Variants in PWWP2B observed in about 807,000 individuals in gnomAD.
The protein encoded by PWWP2B is PWWP domain containing 2B, also known as PWWP domain-containing protein 2B.
A neutral mutation model predicts 15.5 loss-of-function variants in PWWP2B; 9 were observed. That is an observed-to-expected ratio of 0.58 (90% CI 0.35 to 1.02). PWWP2B has a LOEUF of 1.02. Among genes scored for constraint, PWWP2B ranks in the 50% least tolerant of loss-of-function variants. The probability of loss-of-function intolerance (pLI) is 0.02; values close to 1 mark genes in which losing one functional copy is unlikely to be tolerated. For synonymous variants in PWWP2B, 474 were observed against 403.6 expected (o/e 1.17, Z -2.09); for missense variants, 864 against 865.3 (o/e 1.00, Z 0.02).
Position 132,417,091 on chromosome 10 carries a change from C to G in PWWP2B, c.*47C>G. 6.2e-7 allele frequency: 1 copy of G among 1,613,692 alleles called. No homozygotes were observed. The highest frequency in any genetic ancestry group is 1.1e-5 in the South Asian group (1 of 91,076). Reference sequence around the variant, plus strand: ...CGACGATGAGGGCGCACCTGCTGTCCTGGAGCTTCCGATCTCTGTTCGGGG... The same window carrying G: ...CGACGATGAGGGCGCACCTGCTGTCGTGGAGCTTCCGATCTCTGTTCGGGG... On this transcript the variant is annotated 3_prime_UTR_variant, in exon 3 of 3. Coordinates refer to ENST00000305233, the MANE Select transcript of PWWP2B (RefSeq NM_138499.4).
chr10:132,400,783 T>G (rs539174248), intron 1 of PWWP2B, among the ~76,000 whole-genome samples: 14 of 152,376 alleles, frequency 9.2e-5, no homozygotes, highest in African/African-American at 3.4e-4. Context: ...TGCCTGTTCC[T>G]GTTCCAGGAG....
chr10:132,409,633 C>G, intron 2 of PWWP2B, among the ~76,000 whole-genome samples: 1 of 42,344 alleles, frequency 2.4e-5, no homozygotes, highest in East Asian at 3.9e-4. Flanking sequence ...CCCTCACCAC[C>G]CACCCACCCA....
At chr10:132,412,665 C>T (rs1348561007) in intron 2 of PWWP2B, among the ~76,000 whole-genome samples, 2 of 152,228 alleles carry the variant, frequency 1.3e-5, no homozygotes, top group Non-Finnish European at 2.9e-5. Flanking sequence ...GGTGCTGGCC[C>T]TGGTCTTCAT....
chr10:132,412,723 C>T (rs1342967684), intron 2 of PWWP2B, among the ~76,000 whole-genome samples: 1 of 152,258 alleles, frequency 6.6e-6, no homozygotes, highest in Non-Finnish European at 1.5e-5. Context: ...TACCAGCTTT[C>T]AGTGGCACTG....
At position 132,406,287 on chromosome 10, in the gene PWWP2B, C is replaced by A; in HGVS notation, c.*14C>A. 6.3e-7 allele frequency: 1 copy of A among 1,598,614 alleles called. No homozygotes were observed. Among genetic ancestry groups the A allele is most frequent in the South Asian group, 1.1e-5 (1 of 89,888 alleles). ...TTTGAAACGTAACTGGTTCCCTGAC[C>A]AGGTGAGTGTGCCAGCGGCAGCCTC... On this transcript the variant is annotated splice_region_variant and 3_prime_UTR_variant, in exon 2 of 3. Transcript: ENST00000305233.
chr10:132,414,009 AAC>A (rs1204997452), intron 2 of PWWP2B, among the ~76,000 whole-genome samples: 1 of 152,196 alleles, frequency 6.6e-6, no homozygotes, highest in Admixed American at 6.5e-5. Context: ...GGTTCCTGAG[AAC>A]ACCTCATGTC....
intron 1 of PWWP2B, 60 bp downstream of exon 1, chr10:132,397,411 G>T: frequency 8.6e-7 from 1 of 1,160,348 alleles, no homozygotes; most frequent in East Asian, 3.8e-5. Context: ...CGCCTCCGCC[G>T]CCCGGAGACC....
Position 132,404,697 on chromosome 10 carries a change from A to G in PWWP2B, c.197A>G (p.His66Arg). ...QVDESPVNDSHGRAPEEGDAE... is the reference protein window; with the variant it reads ...QVDESPVNDSRGRAPEEGDAE... ...GATGAGTCCCCTGTCAACGACAGCCATGGCCGGGCTCCCGAGGAGGGGGAT... is the reference window on the plus strand; with the variant it reads ...GATGAGTCCCCTGTCAACGACAGCCGTGGCCGGGCTCCCGAGGAGGGGGAT... Residue 66 changes from histidine (H) to arginine (R), a missense_variant, in exon 2 of 3, where the codon CAT becomes CGT. Around this residue, in one of 2 missense-constraint regions of PWWP2B, gnomAD observed 736 missense variants for 687.7 expected, o/e 1.07. Coordinates refer to ENST00000305233, the MANE Select transcript of PWWP2B (RefSeq NM_138499.4). 6.2e-7 allele frequency: 1 copy of G among 1,612,120 alleles called. No individual in the cohort carries two copies. Among genetic ancestry groups the G allele is most frequent in the Non-Finnish European group, 8.5e-7 (1 of 1,179,722 alleles).
At position 132,407,574 on chromosome 10, in the gene PWWP2B, G is replaced by T. The variant is rs187384288; in HGVS notation, c.*16+1285G>T. ...GCAGTGATGAGAGACCACTGTGGTT[G>T]AGCCAGGGTCCCCAGGGTCCCCAGG... On this transcript the variant is annotated intron_variant, in intron 2 of 2. Coordinates refer to ENST00000305233, the MANE Select transcript of PWWP2B (RefSeq NM_138499.4). 3.3e-4 allele frequency among the ~76,000 whole-genome samples: 50 copies of T among 152,324 alleles called. No homozygotes were observed. The East Asian group carries it at 8.5e-3, about 26-fold the overall frequency.
At chr10:132,403,242 G>A (rs1312190814) in intron 1 of PWWP2B, among the ~76,000 whole-genome samples, 4 of 151,906 alleles carry the variant, frequency 2.6e-5, no homozygotes, top group African/African-American at 4.8e-5. Flanking sequence ...CCCGCCCCGT[G>A]TTCATCCCCT....
In PWWP2B at chr10:132,404,546, G is replaced by A. The variant is rs923975215; in HGVS notation, c.126-80G>A. 41 of 1,244,890 alleles carry A rather than the reference G, an allele frequency of 3.3e-5. 1 individual carries two copies. The African/African-American group carries it at 4.3e-4, about 13-fold the overall frequency. The allele number at this position is 1,244,890 out of a possible 1,614,324, so 77.1% of individuals were successfully genotyped here. A position where few individuals can be genotyped will look rare whatever the true frequency, so the allele number is the denominator to read the frequency against. ...AGACCTGCCGGAGCATGGGTCGGGG[G>A]CCTTGGCTCTGGGGGCTGGTGCGGG... is the stretch of plus-strand genomic sequence containing the variant. On this transcript the variant is annotated intron_variant, in intron 1 of 2. Transcript: ENST00000305233.
intron 1 of PWWP2B, among the ~76,000 whole-genome samples, chr10:132,401,562 T>TG (rs1419702465): frequency 6.6e-6 from 1 of 152,198 alleles, no homozygotes; most frequent in Non-Finnish European, 1.5e-5. Flanking sequence ...GCCAGGCCAG[T>TG]GGGGCCCCTG....
chr10:132,414,866 ACT>A (rs2069822746), intron 2 of PWWP2B, among the ~76,000 whole-genome samples: 2 of 152,140 alleles, frequency 1.3e-5, no homozygotes, highest in Admixed American at 6.5e-5. Flanking sequence ...TCTAGGAGTC[ACT>A]GTTGGTACCC....
At chr10:132,416,016 G>GT (rs2069849941) in intron 2 of PWWP2B, among the ~76,000 whole-genome samples, 1 of 152,200 alleles carries the variant, frequency 6.6e-6, no homozygotes, top group African/African-American at 2.4e-5. Flanking sequence ...GCCTCCCCGC[G>GT]TGCCGCTGGG....
At chr10:132,409,558 G>A (rs534219859) in intron 2 of PWWP2B, among the ~76,000 whole-genome samples, 1 of 152,274 alleles carries the variant, frequency 6.6e-6, no homozygotes, top group South Asian at 2.1e-4. Context: ...GTGAGCCCCA[G>A]GGCCTCGGGC....
chr10:132,400,808 C>A lies in PWWP2B; in HGVS notation c.125+3457C>A, dbSNP rs558763905. Among the ~76,000 whole-genome samples the A allele has an allele frequency of 7.9e-5, 12 of 152,364 alleles. 1 individual carries two copies. The highest frequency in any genetic ancestry group is 7.8e-4 in the Admixed American group (12 of 15,310). On this transcript the variant is annotated intron_variant, in intron 1 of 2. Coordinates refer to ENST00000305233, the MANE Select transcript of PWWP2B (RefSeq NM_138499.4). ...TGTTCCAGGAGCCGCATTTTCTTTA[C>A]CTCTTTAGGCCACAACAGGGTGTCC...
chr10:132,398,196 G>A (rs2069563764), intron 1 of PWWP2B, among the ~76,000 whole-genome samples: 1 of 152,262 alleles, frequency 6.6e-6, no homozygotes, highest in Non-Finnish European at 1.5e-5. Flanking sequence ...TTTTCCATCC[G>A]TGGAGCCCAG....
At chr10:132,404,573 G>A in intron 1 of PWWP2B, 53 bp from the exon 2 acceptor site, 1 of 1,495,688 alleles carries the variant, frequency 6.7e-7, no homozygotes, top group Non-Finnish European at 9.3e-7. Context: ...TGGTGCGGGT[G>A]GCAGATGTGC....
At chr10:132,415,908 G>A (rs1453063945) in intron 2 of PWWP2B, among the ~76,000 whole-genome samples, 1 of 152,000 alleles carries the variant, frequency 6.6e-6, no homozygotes, top group African/African-American at 2.4e-5. Flanking sequence ...ACTCAGGAAT[G>A]CCCAGCGTGA....
Sources: gnomAD v4.1 joint callset for allele counts (sites outside exome capture counted in the v4.1 genomes callset) on GRCh38, gnomAD v4.1.1 for gene constraint, gnomAD v4.1.1 regional missense constraint, MANE v1.5 for transcripts, NCBI Gene and HGNC (gene_info 2026-07-23, HGNC 2026-07-21) for gene names.